The following SIL1 variants were observed in gnomAD, a reference collection of about 807,000 sequenced individuals.
SIL1 encodes the protein SIL1 nucleotide exchange factor.
A neutral mutation model predicts 49.1 loss-of-function variants in SIL1; 40 were observed. The ratio of observed to expected loss-of-function variants is 0.81; its 90% CI spans 0.63 to 1.06. The LOEUF (loss-of-function observed/expected upper bound fraction) is 1.06. SIL1 is among the 50% of genes least tolerant of loss of function. The pLI is 0.00. For synonymous variants in SIL1, 253 were observed against 250.8 expected (o/e 1.01, Z -0.08); for missense variants, 500 against 572.6 (o/e 0.87, Z 1.29).
At chr5:139,172,248 G>A (rs1268997364) in intron 1 of SIL1, among the ~76,000 whole-genome samples, 1 of 152,150 alleles carries the variant, frequency 6.6e-6, no homozygotes, top group Non-Finnish European at 1.5e-5. Context: ...ATAAACATCT[G>A]AAAAGCTCAA....
At chr5:139,071,350 G>A (rs1012983577) in intron 3 of SIL1, among the ~76,000 whole-genome samples, 10 of 152,140 alleles carry the variant, frequency 6.6e-5, no homozygotes, top group Admixed American at 4.6e-4. Flanking sequence ...ATGCAAAGGA[G>A]CAATTATTGT....
chr5:139,001,990 C>T (rs1015091544), intron 7 of SIL1, among the ~76,000 whole-genome samples: 6 of 151,608 alleles, frequency 4.0e-5, no homozygotes, highest in Non-Finnish European at 5.9e-5. Context: ...GCAGGCCTAT[C>T]ACTTGAGCTC....
At chr5:139,087,149 C>T (rs936930805) in intron 3 of SIL1, among the ~76,000 whole-genome samples, 4 of 152,064 alleles carry the variant, frequency 2.6e-5, no homozygotes, top group African/African-American at 9.6e-5. Flanking sequence ...TTTCTTTCTT[C>T]ATCCCCAACT....
At chr5:139,045,288 T>A (rs1769131817) in intron 4 of SIL1, among the ~76,000 whole-genome samples, 1 of 152,268 alleles carries the variant, frequency 6.6e-6, no homozygotes, top group South Asian at 2.1e-4. Flanking sequence ...GCCCAGGCTG[T>A]AGTGAGCCAT....
At chr5:139,089,379 T>A (rs992564078) in intron 3 of SIL1, among the ~76,000 whole-genome samples, 1 of 152,208 alleles carries the variant, frequency 6.6e-6, no homozygotes, top group African/African-American at 2.4e-5. Flanking sequence ...AAACAGAAGC[T>A]GTCAGACAGG....
Position 138,986,090 on chromosome 5 carries a change from T to C in SIL1, c.768-34206A>G, listed in dbSNP as rs376270518. Among the ~76,000 whole-genome samples, 25 of 152,318 alleles carry C rather than the reference T, an allele frequency of 1.6e-4. No individual in the cohort carries two copies. The South Asian group carries it at 4.6e-3, about 28-fold the overall frequency. On this transcript the variant is annotated intron_variant, in intron 7 of 9. Coordinates refer to ENST00000394817, the MANE Select transcript of SIL1 (RefSeq NM_022464.5). ...GGCAGCAGCTACCCCAGGTGTCTGT[T>C]TGATCCAAACATTAAAAAAGCGTCC...
At chr5:139,124,658 G>A (rs1750719817) in intron 2 of SIL1, among the ~76,000 whole-genome samples, 1 of 152,192 alleles carries the variant, frequency 6.6e-6, no homozygotes, top group South Asian at 2.1e-4. Flanking sequence ...TGGACAGTGA[G>A]TTCAAAAGCA....
intron 7 of SIL1, among the ~76,000 whole-genome samples, chr5:138,961,727 T>A (rs776920919): frequency 3.6e-4 from 55 of 152,156 alleles, no homozygotes; most frequent in Non-Finnish European, 7.2e-4. Context: ...TGGGTCTCTT[T>A]AGGTGGCTCC....
At chr5:139,140,629 CCATAACT>C (rs1227432558) in intron 1 of SIL1, among the ~76,000 whole-genome samples, 3 of 152,112 alleles carry the variant, frequency 2.0e-5, no homozygotes, top group African/African-American at 7.2e-5. Flanking sequence ...GCTCAGGGAG[CCATAACT>C]CACGGCTTTC....
chr5:139,099,252 G>A (rs1561861479), intron 3 of SIL1, among the ~76,000 whole-genome samples: 1 of 152,068 alleles, frequency 6.6e-6, no homozygotes, highest in Non-Finnish European at 1.5e-5. Flanking sequence ...CAGTTAAAAT[G>A]GCTTATATCC....
intron 1 of SIL1, among the ~76,000 whole-genome samples, chr5:139,180,130 G>A (rs1041063010): frequency 1.9e-4 from 29 of 150,620 alleles, no homozygotes; most frequent in Non-Finnish European, 2.8e-4. Flanking sequence ...TTGGGAGACC[G>A]AGGTGGGTGG....
At chr5:139,057,229 CTTGTT>C (rs1381778439) in intron 3 of SIL1, among the ~76,000 whole-genome samples, 1 of 149,506 alleles carries the variant, frequency 6.7e-6, no homozygotes, top group Admixed American at 6.6e-5. Context: ...CCTTTGTTCA[CTTGTT>C]TATCTGCTGA....
At chr5:138,996,542 A>G (rs1403248109) in intron 7 of SIL1, among the ~76,000 whole-genome samples, 2 of 108,150 alleles carry the variant, frequency 1.8e-5, no homozygotes, top group Non-Finnish European at 3.4e-5. Flanking sequence ...TTTTTTTGAG[A>G]CAGAGTCTCA....
Position 139,108,471 on chromosome 5 carries a change from C to A in SIL1, c.244+12564G>T, listed in dbSNP as rs117164423. On this transcript the variant is annotated intron_variant, in intron 3 of 9. Coordinates refer to ENST00000394817, the MANE Select transcript of SIL1 (RefSeq NM_022464.5). ...GACACCTTGTCGTTAGTATTAGGAT[C>A]TTTGGGAAAGTTGAGGTACAAACTA... Among the ~76,000 whole-genome samples, 4 of 152,290 alleles carry A rather than the reference C, an allele frequency of 2.6e-5. No individual in the cohort carries two copies. The East Asian group carries it at 7.7e-4, about 29-fold the overall frequency.
rs1332300329 is a variant in SIL1, at chr5:139,055,366, A to G, written c.245-4320T>C. Among the ~76,000 whole-genome samples the G allele has an allele frequency of 3.3e-5, 5 of 152,102 alleles. No individual in the cohort carries two copies. The East Asian group carries it at 9.6e-4, about 29-fold the overall frequency. The stretch of plus-strand genomic sequence containing the variant: ...GGGGGATAATCTATGGTAGACTGCA[A>G]CATCGTCACCAATTTTTTTCCTCCC... On this transcript the variant is annotated intron_variant, in intron 3 of 9. Transcript: ENST00000394817.
intron 3 of SIL1, among the ~76,000 whole-genome samples, chr5:139,089,368 C>G (rs1770293022): frequency 1.3e-5 from 2 of 152,300 alleles, no homozygotes; most frequent in African/African-American, 4.8e-5. Context: ...CATCACAGAG[C>G]AAACAGAAGC....
chr5:139,182,894 T>C (rs1185942187), intron 1 of SIL1, among the ~76,000 whole-genome samples: 1 of 152,220 alleles, frequency 6.6e-6, no homozygotes, highest in Non-Finnish European at 1.5e-5. Flanking sequence ...ATAATTTGCC[T>C]TGGTTTCCTC....
intron 1 of SIL1, among the ~76,000 whole-genome samples, chr5:139,195,118 G>C (rs1194848289): frequency 6.6e-6 from 1 of 151,958 alleles, no homozygotes; most frequent in Non-Finnish European, 1.5e-5. Context: ...TTTTAGTAGA[G>C]ACGGGGTTTC....
rs1486095111 is a variant in SIL1 at position 138,948,687 on chromosome 5, G to A, written c.1030-1214C>T. 3.9e-5 allele frequency among the ~76,000 whole-genome samples: 6 copies of A among 152,086 alleles called. No homozygotes were observed. Among genetic ancestry groups the A allele is most frequent in the Non-Finnish European group, 8.8e-5 (6 of 68,016 alleles). ...CTGCACACCTCACCGCCACTGACCG[G>A]CCTCCCCTGACTGGCCTTCTCTGCT... is the stretch of plus-strand genomic sequence containing the variant. On this transcript the variant is annotated intron_variant, in intron 9 of 9. Transcript: ENST00000394817. This position sits in a 1 kb window ranked among gnomAD's most constrained non-coding sequence, Gnocchi z 4.8.
Sources: allele counts gnomAD v4.1 joint callset (sites outside exome capture counted in the v4.1 genomes callset), GRCh38; gene constraint gnomAD v4.1.1; non-coding constraint Gnocchi (gnomAD v3.1); transcripts MANE v1.5; gene names NCBI Gene and HGNC (gene_info 2026-07-23, HGNC 2026-07-21).